Variants in SCLY observed in about 807,000 individuals in gnomAD.
SCLY encodes selenocysteine lyase.
In SCLY, 38 loss-of-function variants were observed where a neutral mutation model predicts 50.1. The ratio of observed to expected loss-of-function variants is 0.76; its 90% CI spans 0.59 to 0.99. SCLY has a LOEUF of 0.99. Ranked by LOEUF, SCLY falls within the 50% of genes least tolerant of loss-of-function variation. The pLI, the probability that SCLY is intolerant of heterozygous loss-of-function variation, is 0.00. For synonymous variants in SCLY, 243 were observed against 249.4 expected, an observed-to-expected ratio of 0.97 and a Z score of 0.24; for missense variants, 600 against 620.0, an observed-to-expected ratio of 0.97 and a Z score of 0.34.
chr2:238,091,532 G>GCGGCGA, intron 8 of SCLY: 2 of 454,312 alleles, frequency 4.4e-6, no homozygotes, highest in Non-Finnish European at 8.1e-6. Context: ...GAGGTGAAGT[G>GCGGCGA]TCAAGCTGCA....
intron 11 of SCLY, among the ~76,000 whole-genome samples, chr2:238,097,613 G>A (rs2065453292): frequency 2.0e-5 from 3 of 152,042 alleles, no homozygotes; most frequent in Admixed American, 2.0e-4. Context: ...GGGCAGGATG[G>A]GGCCCTTTGT....
At position 238,066,266 on chromosome 2, in the gene SCLY, T is replaced by C. The variant is rs556412834; in HGVS notation, c.202+1797T>C. 6.6e-6 allele frequency among the ~76,000 whole-genome samples: 1 copy of C among 152,316 alleles called. No homozygotes were observed. Among genetic ancestry groups the C allele is most frequent in the East Asian group, 1.9e-4 (1 of 5,190 alleles). ...CGTCCAGCCCACTGCAGTCACATCA[T>C]AGTGACGGAAGCCTCTGGAAGGTTC... is the stretch of plus-strand genomic sequence containing the variant. On this transcript the variant is annotated intron_variant, in intron 2 of 11. Transcript: ENST00000254663. This position sits in a 1 kb window ranked among gnomAD's most constrained non-coding sequence, Gnocchi z 4.1.
At chr2:238,062,648 G>T (rs1304586579) in intron 1 of SCLY, among the ~76,000 whole-genome samples, 3 of 152,220 alleles carry the variant, frequency 2.0e-5, no homozygotes, top group Non-Finnish European at 4.4e-5. Context: ...CTGACCTCAG[G>T]TGATCTGCCC....
intron 8 of SCLY, chr2:238,091,520 C>T: frequency 4.5e-6 from 2 of 447,024 alleles, no homozygotes; most frequent in Non-Finnish European, 4.1e-6. Context: ...ACTGTTACAG[C>T]AGAGGTGAAG....
Position 238,066,295 on chromosome 2 carries a change from A to G in SCLY, c.203-1770A>G, listed in dbSNP as rs906605794. ...GACGGAAGCCTCTGGAAGGTTCACC[A>G]TATACCTGTGAGAAAAGGAGCGTGA... On this transcript the variant is annotated intron_variant, in intron 2 of 11. Transcript: ENST00000254663. The surrounding 1 kb of genome is among the most constrained non-coding windows in gnomAD (Gnocchi z 4.1). 2.6e-5 allele frequency among the ~76,000 whole-genome samples: 4 copies of G among 152,188 alleles called. No individual in the cohort carries two copies. The highest frequency in any genetic ancestry group is 1.5e-5 in the Non-Finnish European group (1 of 68,026).
chr2:238,075,479 AG>A (rs2065164666), intron 4 of SCLY, among the ~76,000 whole-genome samples: 1 of 152,134 alleles, frequency 6.6e-6, no homozygotes, highest in South Asian at 2.1e-4. Context: ...TATTTGATAG[AG>A]TTTGCCAATG....
intron 4 of SCLY, among the ~76,000 whole-genome samples, chr2:238,074,368 G>T (rs2065153480): frequency 6.6e-6 from 1 of 152,090 alleles, no homozygotes; most frequent in Non-Finnish European, 1.5e-5. Flanking sequence ...TACCTGAGGG[G>T]TCCACATCCC....
Position 238,061,130 on chromosome 2 carries a change from A to G in SCLY, c.76A>G (p.Asn26Asp). The change falls in exon 1 of 12, where the codon AAC becomes GAC. Residue 26 changes from asparagine to aspartate, a missense_variant. Coordinates refer to ENST00000254663, the MANE Select transcript of SCLY (RefSeq NM_016510.7). ...ASQPSGCGKH[N>D]SPERKVYMDY... Reference sequence around the variant, plus strand: ...TCAGCCCAGCGGCTGCGGGAAACACAACTCGCCGGAGAGGTGCGCGCCTTT... The same window carrying G: ...TCAGCCCAGCGGCTGCGGGAAACACGACTCGCCGGAGAGGTGCGCGCCTTT... The G allele has an allele frequency of 6.8e-7, 1 of 1,470,874 alleles. No individual in the cohort carries two copies. Among genetic ancestry groups the G allele is most frequent in the Non-Finnish European group, 9.0e-7 (1 of 1,116,968 alleles). The allele number at this position is 1,470,874 out of a possible 1,614,324, so 91.1% of individuals were successfully genotyped here. A position where few individuals can be genotyped will look rare whatever the true frequency, so the allele number is the denominator to read the frequency against.
At position 238,091,597 on chromosome 2, in the gene SCLY, C is replaced by A. The variant is rs3739056; in HGVS notation, c.921+343C>A. ...CCCCGCACCATCGACGTTCTGTCCC[C>A]GATTGGTCTGTGGGGTGGCCAATCC... On this transcript the variant is annotated intron_variant, in intron 8 of 11. Transcript: ENST00000254663. The A allele has an allele frequency of 1.4e-3, 446 of 317,620 alleles. 4 individuals carry two copies. The East Asian group carries it at 0.017, about 12-fold the overall frequency. 19.7% of individuals were successfully genotyped at this position (317,620 alleles called of 1,614,324 possible).
chr2:238,083,375 A>C lies in SCLY; in HGVS notation c.884+21A>C. ...CCAGGGTAAGGCAGAAAGTTAACAA[A>C]GTCTCTGACCTACTGACCGTGTCAT... On this transcript the variant is annotated intron_variant, in intron 7 of 11. Transcript: ENST00000254663. The surrounding 1 kb of genome is among the most constrained non-coding windows in gnomAD (Gnocchi z 4.3). 6.6e-7 allele frequency: 1 copy of C among 1,506,808 alleles called. No homozygotes were observed. The highest frequency in any genetic ancestry group is 9.2e-7 in the Non-Finnish European group (1 of 1,082,256). 93.3% of individuals were successfully genotyped at this position (1,506,808 alleles called of 1,614,324 possible).
At position 238,098,394 on chromosome 2, in the gene SCLY, C is replaced by T. The variant is rs1478965874; in HGVS notation, c.*39C>T. 5.2e-6 allele frequency: 8 copies of T among 1,547,960 alleles called. No homozygotes were observed. Among genetic ancestry groups the T allele is most frequent in the Middle Eastern group, 2.3e-4 (1 of 4,324 alleles). On this transcript the variant is annotated 3_prime_UTR_variant, in exon 12 of 12. Coordinates refer to ENST00000254663, the MANE Select transcript of SCLY (RefSeq NM_016510.7). ...TTCCCCACCCCGCTTCTGGGAAGCC[C>T]GTGGCAGGGCACAGGGTTGTCCCTC...
rs111411095 is a variant in SCLY at position 238,064,383 on chromosome 2, C to T, written c.116C>T (p.Thr39Met). 17 of 1,608,632 alleles carry T rather than the reference C, an allele frequency of 1.1e-5. No individual in the cohort carries two copies. The highest frequency in any genetic ancestry group is 4.5e-5 in the East Asian group (2 of 44,516). The change falls in exon 2 of 12, where the codon ACG becomes ATG. Residue 39 changes from threonine (T) to methionine (M), a missense_variant. Transcript: ENST00000254663. ...ERKVYMDYNA[T>M]TPLEPEVIQA... The stretch of plus-strand genomic sequence containing the variant: ...AAAGTTTATATGGACTATAATGCAA[C>T]GACTCCCCTGGAGCCAGAAGTTATC...
chr2:238,070,389 A>T (rs2065116236), intron 4 of SCLY, among the ~76,000 whole-genome samples: 1 of 151,986 alleles, frequency 6.6e-6, no homozygotes, highest in Non-Finnish European at 1.5e-5. Context: ...TGAAAAAAAA[A>T]TTTTTTTGGC....
chr2:238,091,543 G>C, intron 8 of SCLY: 141 of 328,202 alleles, frequency 4.3e-4, no homozygotes, highest in South Asian at 1.3e-3. Flanking sequence ...TCAAGCTGCA[G>C]GTTCACCATT....
chr2:238,097,236 A>T (rs984141172), intron 11 of SCLY, among the ~76,000 whole-genome samples: 10 of 151,808 alleles, frequency 6.6e-5, no homozygotes, highest in Non-Finnish European at 1.2e-4. Context: ...TGGAAGTGGG[A>T]GCCCTGAGGG....
At chr2:238,087,257 A>G (rs1409596075) in intron 7 of SCLY, among the ~76,000 whole-genome samples, 1 of 152,100 alleles carries the variant, frequency 6.6e-6, no homozygotes, top group African/African-American at 2.4e-5. Flanking sequence ...TGAGCCCAGG[A>G]CAGACCTCTA....
Position 238,069,374 on chromosome 2 carries a change from C to T in SCLY, c.381C>T (p.His127=). Residue 127 remains histidine (H), a synonymous_variant, in exon 4 of 12, where the codon CAC becomes CAT. Coordinates refer to ENST00000254663, the MANE Select transcript of SCLY (RefSeq NM_016510.7). The surrounding 1 kb of genome is among the most constrained non-coding windows in gnomAD (Gnocchi z 5.0). ...CCTCAAAGGGACACACAGGTGGGCA[C>T]CACAGCCCAGTGAAGGGGGCCAAGC... ...NQTSKGHTGG[H]HSPVKGAKPH... 1 of 1,614,150 alleles carries T rather than the reference C, an allele frequency of 6.2e-7. No homozygotes were observed. The highest frequency in any genetic ancestry group is 8.5e-7 in the Non-Finnish European group (1 of 1,179,986).
intron 7 of SCLY, among the ~76,000 whole-genome samples, chr2:238,085,709 G>A (rs371304978): frequency 1.3e-5 from 2 of 151,822 alleles, no homozygotes; most frequent in African/African-American, 2.4e-5. Context: ...GCAACAGAGC[G>A]GGACTCTGTC....
At position 238,067,973 on chromosome 2, in the gene SCLY, CCT is replaced by C; in HGVS notation, c.203-89_203-88del. The C allele has an allele frequency of 1.1e-6, 1 of 898,164 alleles. No individual in the cohort carries two copies. The highest frequency in any genetic ancestry group is 1.7e-6 in the Non-Finnish European group (1 of 572,286). The allele number at this position is 898,164 out of a possible 1,614,324, so 55.6% of individuals were successfully genotyped here. ...TTTGTCTTAGAACGGCCCACGCAGA[CCT>C]CTTATTCCTTTGTATTTGGTTGTCC... On this transcript the variant is annotated intron_variant, in intron 2 of 11. Transcript: ENST00000254663. This position sits in a 1 kb window ranked among gnomAD's most constrained non-coding sequence, Gnocchi z 4.3.
Sources: allele counts gnomAD v4.1 joint callset (sites outside exome capture counted in the v4.1 genomes callset), GRCh38; gene constraint gnomAD v4.1.1; non-coding constraint Gnocchi (gnomAD v3.1); transcripts MANE v1.5; gene names NCBI Gene and HGNC (gene_info 2026-07-23, HGNC 2026-07-21).